KHDRBS2: variants seen among roughly 807,000 people sequenced by gnomAD.
The protein encoded by KHDRBS2 is KH RNA binding domain containing, signal transduction associated 2.
A neutral mutation model predicts 44.3 loss-of-function variants in KHDRBS2; 26 were observed. That is an observed-to-expected ratio of 0.59 (90% CI 0.43 to 0.81). KHDRBS2 has a LOEUF of 0.81. Among genes scored for constraint, KHDRBS2 ranks in the 40% least tolerant of loss-of-function variants. The pLI is 0.00. For missense variants in KHDRBS2, 476 were observed against 433.1 expected (o/e 1.10, Z -0.88); for synonymous variants, 194 against 151.1 (o/e 1.28, Z -2.08).
chr6:61,974,407 A>G (rs1772068809), intron 4 of KHDRBS2, among the ~76,000 whole-genome samples: 1 of 152,134 alleles, frequency 6.6e-6, no homozygotes, highest in African/African-American at 2.4e-5. Flanking sequence ...GAATATAAAG[A>G]GAGGAGTGCA....
chr6:61,848,496 T>TATATAC (rs1794805713), intron 6 of KHDRBS2, among the ~76,000 whole-genome samples: 3 of 56,046 alleles, frequency 5.4e-5, no homozygotes, highest in Non-Finnish European at 1.0e-4. Flanking sequence ...TATATGTATA[T>TATATAC]ATATATATAT....
chr6:61,592,513 C>G, the KHDRBS2 span, among the ~76,000 whole-genome samples: 2 of 152,052 alleles, frequency 1.3e-5, no homozygotes, highest in African/African-American at 4.8e-5. Context: ...GATAAAGGGG[C>G]AGGCCTGAGA....
At chr6:61,999,490 C>T (rs1777820104) in intron 3 of KHDRBS2, among the ~76,000 whole-genome samples, 2 of 152,074 alleles carry the variant, frequency 1.3e-5, no homozygotes, top group Admixed American at 1.3e-4. Context: ...CTGTGGCACA[C>T]TTTGGGTATA....
At chr6:61,850,585 C>T (rs773218929) in intron 6 of KHDRBS2, among the ~76,000 whole-genome samples, 4 of 152,118 alleles carry the variant, frequency 2.6e-5, no homozygotes, top group Non-Finnish European at 5.9e-5. Flanking sequence ...ATCAATCACA[C>T]TTCAGAAAAG....
chr6:62,152,952 C>A (rs1409221331), intron 2 of KHDRBS2, among the ~76,000 whole-genome samples: 1 of 152,204 alleles, frequency 6.6e-6, no homozygotes, highest in Non-Finnish European at 1.5e-5. Flanking sequence ...GGTAAAGATA[C>A]AGCATCCCGG....
intron 2 of KHDRBS2, among the ~76,000 whole-genome samples, chr6:62,165,790 C>T (rs949507073): frequency 6.6e-6 from 1 of 151,946 alleles, no homozygotes; most frequent in African/African-American, 2.4e-5. Context: ...CAGCCTTAGC[C>T]TACCCAGTAG....
intron 6 of KHDRBS2, among the ~76,000 whole-genome samples, chr6:61,817,725 C>T (rs978869086): frequency 5.3e-5 from 8 of 151,954 alleles, no homozygotes; most frequent in Non-Finnish European, 1.2e-4. Context: ...GAAATTTCAC[C>T]CTACTAACCT....
intron 3 of KHDRBS2, among the ~76,000 whole-genome samples, chr6:62,013,962 C>T (rs6934836): frequency 0.57 from 86,092 of 152,022 alleles, 24,681 homozygotes; most frequent in Non-Finnish European, 0.59. Flanking sequence ...GTACCATGTT[C>T]GTTTCCTAGG....
At chr6:61,990,536 G>C (rs1775934304) in intron 3 of KHDRBS2, among the ~76,000 whole-genome samples, 1 of 152,042 alleles carries the variant, frequency 6.6e-6, no homozygotes, top group Non-Finnish European at 1.5e-5. Flanking sequence ...CAAGCTTCTA[G>C]AAGTAGAACT....
At chr6:61,699,722 T>C (rs767908552) in intron 7 of KHDRBS2, among the ~76,000 whole-genome samples, 9 of 151,978 alleles carry the variant, frequency 5.9e-5, no homozygotes, top group Admixed American at 1.3e-4. Context: ...ATATCAGAGA[T>C]AAAAAGAGGG....
intron 3 of KHDRBS2, among the ~76,000 whole-genome samples, chr6:62,022,491 G>A (rs1782534288): frequency 6.6e-6 from 1 of 151,644 alleles, no homozygotes. Flanking sequence ...ATCTTACTAG[G>A]TGAAGAAATT....
intron 2 of KHDRBS2, among the ~76,000 whole-genome samples, chr6:62,123,865 C>T (rs370351624): frequency 3.3e-5 from 5 of 152,166 alleles, no homozygotes; most frequent in East Asian, 1.9e-4. Flanking sequence ...TTTGTTGACA[C>T]ATTTGCATTT....
chr6:61,843,393 C>T (rs1416609550), intron 6 of KHDRBS2, among the ~76,000 whole-genome samples: 1 of 147,588 alleles, frequency 6.8e-6, no homozygotes, highest in African/African-American at 2.6e-5. Context: ...GACAATCTCA[C>T]TCCCTCACCC....
At chr6:62,055,220 T>C (rs1448882554) in intron 2 of KHDRBS2, among the ~76,000 whole-genome samples, 1 of 151,896 alleles carries the variant, frequency 6.6e-6, no homozygotes, top group African/African-American at 2.4e-5. Context: ...AGCAGTAGTT[T>C]ACAAAAACAA....
chr6:62,060,297 G>A (rs527693321), intron 2 of KHDRBS2, among the ~76,000 whole-genome samples: 4 of 151,806 alleles, frequency 2.6e-5, no homozygotes, highest in African/African-American at 9.7e-5. Flanking sequence ...GGCTGGGGGT[G>A]AGTGGGAAGT....
intron 1 of KHDRBS2, among the ~76,000 whole-genome samples, chr6:62,194,408 T>C (rs190195253): frequency 9.3e-5 from 14 of 151,270 alleles, no homozygotes; most frequent in Admixed American, 9.2e-4. Flanking sequence ...TTCTGGACTT[T>C]CTAAGCAATT....
chr6:61,577,633 T>C, the KHDRBS2 span, among the ~76,000 whole-genome samples: 5 of 152,206 alleles, frequency 3.3e-5, no homozygotes, highest in African/African-American at 1.2e-4. Flanking sequence ...AGCAAAAATA[T>C]ACCATGTGGA....
chr6:62,121,674 C>T (rs527688539), intron 2 of KHDRBS2, among the ~76,000 whole-genome samples: 1 of 152,170 alleles, frequency 6.6e-6, no homozygotes, highest in African/African-American at 2.4e-5. Flanking sequence ...CGGCTTTGTG[C>T]CAGAATCTTG....
chr6:61,810,779 T>C (rs1339374204), intron 6 of KHDRBS2, among the ~76,000 whole-genome samples: 1 of 151,992 alleles, frequency 6.6e-6, no homozygotes, highest in Non-Finnish European at 1.5e-5. Context: ...TAAATAAGAA[T>C]AGAGTAAAAT....
Sources: allele counts gnomAD v4.1 joint callset (sites outside exome capture counted in the v4.1 genomes callset), GRCh38; gene constraint gnomAD v4.1.1; transcripts MANE v1.5; gene names NCBI Gene and HGNC (gene_info 2026-07-23, HGNC 2026-07-21).